STRBP: variants seen among roughly 807,000 people sequenced by gnomAD.
STRBP encodes spermatid perinuclear RNA-binding protein.
STRBP carries 13 observed loss-of-function variants against 80.1 expected under a neutral mutation model. The observed-to-expected ratio is 0.16, with a 90% CI of 0.11 to 0.26. The LOEUF (loss-of-function observed/expected upper bound fraction) is 0.26, where lower values mean the gene tolerates loss of function less well. Ranked by LOEUF, STRBP falls within the 10% of genes least tolerant of loss-of-function variation. STRBP has a pLI of 1.00. For missense variants in STRBP, 485 were observed against 815.2 expected, an observed-to-expected ratio of 0.59 and a Z score of 4.93; for synonymous variants, 284 against 291.2, an observed-to-expected ratio of 0.98 and a Z score of 0.25.
At chr9:123,190,307 A>G (rs2038875987) in intron 2 of STRBP, among the ~76,000 whole-genome samples, 1 of 151,758 alleles carries the variant, frequency 6.6e-6, no homozygotes, top group Non-Finnish European at 1.5e-5. Flanking sequence ...AAAAGAACAC[A>G]CTAAGGAAAG....
chr9:123,139,830 T>C lies in STRBP; in HGVS notation c.1339-143A>G, dbSNP rs1023633795. The C allele has an allele frequency of 5.1e-6, 4 of 786,214 alleles. No homozygotes were observed. The African/African-American group carries it at 5.3e-5, about 10-fold the overall frequency. 48.7% of individuals were successfully genotyped at this position (786,214 alleles called of 1,614,324 possible). On this transcript the variant is annotated intron_variant, in intron 13 of 18. Transcript: ENST00000348403. ...GAAGAGCAAGATGGTACTAAATCTG[T>C]AAGTCCTTGGTTAAATATGGTATAC...
At chr9:123,186,027 G>C (rs1328026120) in intron 2 of STRBP, among the ~76,000 whole-genome samples, 1 of 49,056 alleles carries the variant, frequency 2.0e-5, no homozygotes, top group African/African-American at 7.8e-5. Context: ...GCAAGACTCC[G>C]TCTCAAAAAA....
At chr9:123,216,308 C>T (rs544068799) in intron 2 of STRBP, among the ~76,000 whole-genome samples, 1 of 152,346 alleles carries the variant, frequency 6.6e-6, no homozygotes, top group South Asian at 2.1e-4. Flanking sequence ...TTGCTCTTGG[C>T]TGTATACCCC....
downstream of STRBP, among the ~76,000 whole-genome samples, chr9:123,117,198 A>G (rs2035659980): frequency 6.6e-6 from 1 of 152,214 alleles, no homozygotes; most frequent in Non-Finnish European, 1.5e-5. Context: ...GTCATGCTCT[A>G]GAACACGACA....
At position 123,268,530 on chromosome 9, in the gene STRBP, G is replaced by GGCGGCGGCT. The variant is rs1010415456; in HGVS notation, c.-405_-397dup. On this transcript the variant is annotated 5_prime_UTR_variant, in exon 1 of 19. Coordinates refer to ENST00000348403, the MANE Select transcript of STRBP (RefSeq NM_018387.5). ...CGCGTCTCCGGCTCCTCTGCCCAGC[G>GGCGGCGGCT]GCGGCGGCTGCGGCGGCTGCTGCCC... 4 of 167,090 alleles carry GGCGGCGGCT rather than the reference G, an allele frequency of 2.4e-5. No individual in the cohort carries two copies. Among genetic ancestry groups the GGCGGCGGCT allele is most frequent in the African/African-American group, 7.3e-5 (3 of 41,190 alleles). 10.4% of individuals were successfully genotyped at this position (167,090 alleles called of 1,614,324 possible). A position where few individuals can be genotyped will look rare whatever the true frequency, so the allele number is the denominator to read the frequency against.
chr9:123,251,514 C>G (rs780250490), intron 1 of STRBP, among the ~76,000 whole-genome samples: 1 of 152,154 alleles, frequency 6.6e-6, no homozygotes, highest in African/African-American at 2.4e-5. Context: ...TTCATAATAC[C>G]GGATTGGAAA....
intron 2 of STRBP, among the ~76,000 whole-genome samples, chr9:123,219,214 A>C (rs551124891): frequency 6.6e-6 from 1 of 152,310 alleles, no homozygotes; most frequent in South Asian, 2.1e-4. Context: ...CAATATTTAT[A>C]ATCTTCAGCT....
At chr9:123,119,021 A>G (rs1038829450), downstream of STRBP, among the ~76,000 whole-genome samples, 4 of 152,236 alleles carry the variant, frequency 2.6e-5, no homozygotes, top group African/African-American at 7.2e-5. Context: ...AGATGGGCAG[A>G]TATGTTTTCT....
At chr9:123,247,199 A>AT (rs2040817166) in intron 1 of STRBP, among the ~76,000 whole-genome samples, 2 of 152,086 alleles carry the variant, frequency 1.3e-5, no homozygotes, top group Admixed American at 1.3e-4. Context: ...ATCCAAAAAT[A>AT]TTTTTTTCAA....
chr9:123,136,094 G>A lies in STRBP; in HGVS notation c.1720C>T (p.Leu574=), dbSNP rs1174477386. 1 of 1,614,172 alleles carries A rather than the reference G, an allele frequency of 6.2e-7. No individual in the cohort carries two copies. Among genetic ancestry groups the A allele is most frequent in the South Asian group, 1.1e-5 (1 of 91,084 alleles). ...TTTGCCGCATTGGGTCCAGAAAACA[G>A]TTTCTCCAAGGCAGCTAAAGCTGCA... ...ASAALAALEK[L]FSGPNAANNK... The change falls in exon 16 of 19, where the codon CTG becomes TTG. Residue 574 remains leucine (L), a synonymous_variant. Transcript: ENST00000348403. This position sits in a 1 kb window ranked among gnomAD's most constrained non-coding sequence, Gnocchi z 4.2.
intron 2 of STRBP, among the ~76,000 whole-genome samples, chr9:123,215,393 C>G (rs1300972375): frequency 6.6e-6 from 1 of 152,226 alleles, no homozygotes; most frequent in Non-Finnish European, 1.5e-5. Flanking sequence ...CCAATCATTA[C>G]AGCCACTCTG....
At chr9:123,120,107 C>T (rs184367423), downstream of STRBP, among the ~76,000 whole-genome samples, 9 of 152,182 alleles carry the variant, frequency 5.9e-5, no homozygotes, top group Non-Finnish European at 1.2e-4. Flanking sequence ...TATATAAGTA[C>T]TAGCTCTGTG....
intron 12 of STRBP, among the ~76,000 whole-genome samples, chr9:123,147,448 G>T (rs1176937556): frequency 6.6e-6 from 1 of 151,924 alleles, no homozygotes; most frequent in Non-Finnish European, 1.5e-5. Flanking sequence ...GGCCAAGGGG[G>T]GTGAATTGCT....
chr9:123,234,174 C>T (rs1175895203), intron 2 of STRBP, among the ~76,000 whole-genome samples: 2 of 146,622 alleles, frequency 1.4e-5, no homozygotes, highest in East Asian at 3.9e-4. Context: ...GCACTCCAGC[C>T]TGGGCGACAG....
In STRBP at chr9:123,126,137, T is replaced by C. The variant is rs1027928755; in HGVS notation, c.1943-464A>G. Among the ~76,000 whole-genome samples, 1 of 152,246 alleles carries C rather than the reference T, an allele frequency of 6.6e-6. No homozygotes were observed. The highest frequency in any genetic ancestry group is 2.4e-5 in the African/African-American group (1 of 41,474). On this transcript the variant is annotated intron_variant, in intron 18 of 18. Coordinates refer to ENST00000348403, the MANE Select transcript of STRBP (RefSeq NM_018387.5). The surrounding 1 kb of genome is among the most constrained non-coding windows in gnomAD (Gnocchi z 4.4). ...AACTTCTTAATGGCTATGGCCAATA[T>C]TGGCATGGCAAATCTGGAAAGATTA...
chr9:123,114,913 T>C, intron 3 of STRBP: 1 of 313,266 alleles, frequency 3.2e-6, no homozygotes, highest in Non-Finnish European at 6.6e-6. Context: ...TTCCTGCCTC[T>C]CCATCCCTCT....
intron 2 of STRBP, among the ~76,000 whole-genome samples, chr9:123,218,345 T>C (rs2039961273): frequency 6.6e-6 from 1 of 150,528 alleles, no homozygotes; most frequent in Non-Finnish European, 1.5e-5. Flanking sequence ...TATTTATACA[T>C]TAAATATGAC....
chr9:123,169,910 T>G lies in STRBP; in HGVS notation c.527A>C (p.Lys176Thr), dbSNP rs1293443621. 1 of 1,549,438 alleles carries G rather than the reference T, an allele frequency of 6.5e-7. No homozygotes were observed. The highest frequency in any genetic ancestry group is 1.4e-5 in the African/African-American group (1 of 72,902). ...SPLIRDELEKKDGENVSMKDP... is the reference protein window; with the variant it reads ...SPLIRDELEKTDGENVSMKDP... ...TATATATACATGTGTACCTCCATCC[T>G]TCTTCTCCAATTCGTCCCTAATTAG... The change falls in exon 6 of 19, where the codon AAG (lysine) becomes ACG (threonine). Residue 176 changes from lysine to threonine, a missense_variant. Transcript: ENST00000348403.
At chr9:123,169,211 C>G (rs900273026) in intron 6 of STRBP, among the ~76,000 whole-genome samples, 2 of 151,480 alleles carry the variant, frequency 1.3e-5, no homozygotes, top group African/African-American at 4.9e-5. Flanking sequence ...CTCTGTCACC[C>G]AGGCTGGAGT....
Sources: allele counts gnomAD v4.1 joint callset (sites outside exome capture counted in the v4.1 genomes callset), GRCh38; gene constraint gnomAD v4.1.1; non-coding constraint Gnocchi (gnomAD v3.1); transcripts MANE v1.5; gene names NCBI Gene and HGNC (gene_info 2026-07-23, HGNC 2026-07-21).